Variants in ACSM2B observed in about 807,000 individuals in gnomAD.
ACSM2B encodes acyl-CoA synthetase medium chain family member 2B, also known as acyl-coenzyme A synthetase ACSM2B, mitochondrial.
ACSM2B carries 58 observed loss-of-function variants against 78.6 expected under a neutral mutation model. The observed-to-expected ratio is 0.74, with a 90% CI of 0.60 to 0.92. ACSM2B has a LOEUF of 0.92. Ranked by LOEUF, ACSM2B falls within the 40% of genes least tolerant of loss-of-function variation. The pLI is 0.00. For missense variants in ACSM2B, 688 were observed against 711.2 expected (o/e 0.97, Z 0.37); for synonymous variants, 257 against 256.8 (o/e 1.00, Z -0.01).
rs1459511899 is a variant in ACSM2B at position 20,553,816 on chromosome 16, G to T, written c.701C>A (p.Ser234Tyr). Reference sequence around the variant, plus strand: ...GGCCTTGAGGCCCAGGCTCGAGTAGGAATGTTCTGCCATCTTGGGAAGACC... The same window carrying T: ...GGCCTTGAGGCCCAGGCTCGAGTAGTAATGTTCTGCCATCTTGGGAAGACC... Reference protein sequence around the residue: ...TSGLPKMAEHSYSSLGLKAKM... With the variant: ...TSGLPKMAEHYYSSLGLKAKM... The change falls in exon 5 of 14, where the codon TCC becomes TAC. Residue 234 changes from serine to tyrosine, a missense_variant. Ser to Tyr is a moderately radical substitution (Grantham distance 144). Coordinates refer to ENST00000329697, the MANE Select transcript of ACSM2B (RefSeq NM_001105069.2). 1 of 1,612,578 alleles carries T rather than the reference G, an allele frequency of 6.2e-7. No individual in the cohort carries two copies. The highest frequency in any genetic ancestry group is 2.2e-5 in the East Asian group (1 of 44,832).
chr16:20,538,001 T>C (rs2014890416), intron 13 of ACSM2B, among the ~76,000 whole-genome samples: 1 of 152,136 alleles, frequency 6.6e-6, no homozygotes, highest in African/African-American at 2.4e-5. Flanking sequence ...TGTTTGAAGT[T>C]GAGGATCCTC....
intron 13 of ACSM2B, among the ~76,000 whole-genome samples, chr16:20,538,127 T>C (rs1237872477): frequency 6.6e-6 from 1 of 152,190 alleles, no homozygotes; most frequent in Non-Finnish European, 1.5e-5. Flanking sequence ...GTCTCGAATT[T>C]AATAAAAATT....
intron 5 of ACSM2B, 108 bp downstream of exon 5, chr16:20,553,669 C>G: frequency 6.7e-7 from 1 of 1,499,746 alleles, no homozygotes; most frequent in Middle Eastern, 1.8e-4. Flanking sequence ...AATTTTCTTT[C>G]TCAGAACCAC....
intron 8 of ACSM2B, chr16:20,547,167 T>G: frequency 9.9e-7 from 1 of 1,012,154 alleles, no homozygotes; most frequent in Non-Finnish European, 1.2e-6. Flanking sequence ...GGCAAGTTGA[T>G]TGACCCACCT....
chr16:20,555,002 G>A (rs1300266965), intron 4 of ACSM2B, among the ~76,000 whole-genome samples: 1 of 152,148 alleles, frequency 6.6e-6, no homozygotes, highest in Non-Finnish European at 1.5e-5. Context: ...AGATGCTAAT[G>A]ATTCAGTGCT....
intron 4 of ACSM2B, among the ~76,000 whole-genome samples, chr16:20,554,842 A>T (rs2015419540): frequency 6.6e-6 from 1 of 152,224 alleles, no homozygotes. Flanking sequence ...TGTTGTTTCC[A>T]GTGTGCATCA....
intron 2 of ACSM2B, among the ~76,000 whole-genome samples, chr16:20,560,755 G>C (rs1405095368): frequency 6.6e-6 from 1 of 152,082 alleles, no homozygotes; most frequent in African/African-American, 2.4e-5. Context: ...GCTTAGAAGA[G>C]ATAGAAAGAT....
chr16:20,555,587 G>C, intron 3 of ACSM2B, 111 bp from the exon 4 acceptor site: 2 of 1,534,696 alleles, frequency 1.3e-6, no homozygotes, highest in Admixed American at 4.1e-5. Context: ...GGATGGGGAA[G>C]TAATGACCAA....
intron 10 of ACSM2B, among the ~76,000 whole-genome samples, chr16:20,543,790 C>A (rs1468188676): frequency 1.3e-5 from 2 of 152,114 alleles, no homozygotes; most frequent in African/African-American, 4.8e-5. Flanking sequence ...AGCTTTATCC[C>A]TTGTCAGTGC....
In ACSM2B at chr16:20,546,553, C is replaced by T. The variant is rs141712049; in HGVS notation, c.1099-79G>A. The T allele has an allele frequency of 1.6e-3, 2,496 of 1,556,978 alleles. 7 individuals carry two copies. The highest frequency in any genetic ancestry group is 4.3e-3 in the Middle Eastern group (25 of 5,768). On this transcript the variant is annotated intron_variant, in intron 8 of 13. Transcript: ENST00000329697. Reference sequence around the variant, plus strand: ...AGAAAAAGAAAAAATTTCTGCAGAGCGGGTCCTGACACTGTCCTGAACTTG... The same window carrying T: ...AGAAAAAGAAAAAATTTCTGCAGAGTGGGTCCTGACACTGTCCTGAACTTG...
At chr16:20,547,436 G>A (rs1431590419) in intron 8 of ACSM2B, 1 of 984,388 alleles carries the variant, frequency 1.0e-6, no homozygotes, top group Non-Finnish European at 1.2e-6. Context: ...GAGAGGAAGA[G>A]GCAAGAAGTG....
intron 6 of ACSM2B, among the ~76,000 whole-genome samples, chr16:20,551,525 C>G (rs537221438): frequency 1.3e-5 from 2 of 152,096 alleles, no homozygotes; most frequent in East Asian, 3.9e-4. Flanking sequence ...CCCCAGGAAT[C>G]CAATTATGCT....
intron 2 of ACSM2B, 61 bp from the exon 3 acceptor site, chr16:20,559,508 T>G: frequency 4.4e-6 from 7 of 1,574,116 alleles, no homozygotes; most frequent in Non-Finnish European, 6.1e-6. Context: ...TAGGATAAAT[T>G]CCAAGTCTTG....
At chr16:20,540,532 C>T (rs533522875) in intron 13 of ACSM2B, 122 bp downstream of exon 13, 19 of 1,490,680 alleles carry the variant, frequency 1.3e-5, no homozygotes, top group South Asian at 6.5e-5. Flanking sequence ...TGTCAGCCAC[C>T]ATGTCCGGCC....
intron 12 of ACSM2B, chr16:20,541,671 C>CTTTTTTTT (rs1432143390): frequency 8.0e-6 from 1 of 124,394 alleles, no homozygotes; most frequent in Non-Finnish European, 1.6e-5. Flanking sequence ...CTTTCTTTTT[C>CTTTTTTTT]TTTTTCTTTC....
chr16:20,546,070 A>G (rs953932917), intron 9 of ACSM2B, among the ~76,000 whole-genome samples: 4 of 152,202 alleles, frequency 2.6e-5, no homozygotes, highest in African/African-American at 9.6e-5. Flanking sequence ...ATATTGTTAA[A>G]TGATAAAAGC....
At chr16:20,562,363 A>G (rs1008988728) in intron 2 of ACSM2B, among the ~76,000 whole-genome samples, 1 of 152,160 alleles carries the variant, frequency 6.6e-6, no homozygotes, top group Non-Finnish European at 1.5e-5. Context: ...TGCAAAATCA[A>G]AGACAAAACA....
Position 20,566,682 on chromosome 16 carries a change from GTATATACT to G in ACSM2B, c.-8-1837_-8-1830del, listed in dbSNP as rs2015871804. Among the ~76,000 whole-genome samples the G allele has an allele frequency of 1.7e-3, 7 of 4,024 alleles. 2 individuals carry two copies. In the South Asian group the frequency reaches 0.16, roughly 91 times the overall value. The allele number at this position is 4,024 out of a possible 152,430, so 2.6% of individuals were successfully genotyped here. ...TATGTATATATAGTATATACATATAGTATATACTATATATAGTATATATATAGTATATA... is the reference window on the plus strand; with the variant it reads ...TATGTATATATAGTATATACATATAGATATATAGTATATATATAGTATATA... On this transcript the variant is annotated intron_variant, in intron 1 of 13. Transcript: ENST00000329697.
intron 12 of ACSM2B, chr16:20,541,417 G>A (rs966975881): frequency 6.6e-6 from 1 of 152,108 alleles, no homozygotes. Flanking sequence ...CCCCATCTGA[G>A]CCTATTTCTA....
Sources: gnomAD v4.1 joint callset for allele counts (sites outside exome capture counted in the v4.1 genomes callset) on GRCh38, gnomAD v4.1.1 for gene constraint, MANE v1.5 for transcripts, NCBI Gene and HGNC (gene_info 2026-07-23, HGNC 2026-07-21) for gene names.